DNAJC12: variants seen among roughly 807,000 people sequenced by gnomAD.
DNAJC12 encodes the protein dnaJ homolog subfamily C member 12.
A neutral mutation model predicts 28.5 loss-of-function variants in DNAJC12; 25 were observed. The ratio of observed to expected loss-of-function variants is 0.88; its 90% CI spans 0.64 to 1.22. The LOEUF is 1.22. Among genes scored for constraint, DNAJC12 ranks in the 50% most tolerant of loss-of-function variants. DNAJC12 has a pLI of 0.00. For synonymous variants in DNAJC12, 77 were observed against 80.6 expected (o/e 0.95, Z 0.24); for missense variants, 222 against 231.7 (o/e 0.96, Z 0.27).
intron 3 of DNAJC12, among the ~76,000 whole-genome samples, chr10:67,806,125 G>A (rs1156430573): frequency 3.9e-5 from 6 of 152,172 alleles, no homozygotes; most frequent in African/African-American, 1.4e-4. Context: ...GCGCTTTTGA[G>A]TTTGCTGTAT....
intron 1 of DNAJC12, among the ~76,000 whole-genome samples, chr10:67,829,376 C>T (rs999924870): frequency 6.6e-6 from 1 of 152,230 alleles, no homozygotes; most frequent in Non-Finnish European, 1.5e-5. Flanking sequence ...TGCGGTGGCT[C>T]ACGCTTGTAA....
intron 1 of DNAJC12, among the ~76,000 whole-genome samples, chr10:67,826,478 AT>A (rs1237267738): frequency 2.1e-5 from 3 of 145,914 alleles, no homozygotes; most frequent in Non-Finnish European, 4.5e-5. Flanking sequence ...ATATATATAT[AT>A]ATAAGATGCT....
At chr10:67,822,608 A>C (rs1342905054) in intron 2 of DNAJC12, among the ~76,000 whole-genome samples, 1 of 152,188 alleles carries the variant, frequency 6.6e-6, no homozygotes, top group Non-Finnish European at 1.5e-5. Context: ...AGGTATAAGC[A>C]TGCTTAAGTG....
chr10:67,807,096 C>T (rs1224055635), intron 3 of DNAJC12, among the ~76,000 whole-genome samples: 4 of 151,518 alleles, frequency 2.6e-5, no homozygotes, highest in Non-Finnish European at 4.4e-5. Context: ...CTCACCTCTA[C>T]TTAAAAAAAC....
chr10:67,810,086 G>C (rs746732694), intron 3 of DNAJC12, among the ~76,000 whole-genome samples: 1 of 152,100 alleles, frequency 6.6e-6, no homozygotes, highest in Non-Finnish European at 1.5e-5. Context: ...AGCATGACTG[G>C]GAGGCCTCAG....
chr10:67,814,239 C>G (rs1177050695), intron 2 of DNAJC12, among the ~76,000 whole-genome samples: 1 of 151,864 alleles, frequency 6.6e-6, no homozygotes, highest in African/African-American at 2.4e-5. Context: ...ACAAGAGTGC[C>G]AAGACAATTT....
intron 1 of DNAJC12, among the ~76,000 whole-genome samples, chr10:67,833,476 C>T (rs1253226121): frequency 2.0e-5 from 3 of 151,918 alleles, no homozygotes; most frequent in African/African-American, 7.3e-5. Flanking sequence ...TCTCAAATTT[C>T]TGTACATGCG....
intron 1 of DNAJC12, among the ~76,000 whole-genome samples, chr10:67,833,166 C>A (rs1426395121): frequency 1.3e-5 from 2 of 152,300 alleles, no homozygotes; most frequent in African/African-American, 4.8e-5. Context: ...ATTAGGAAAA[C>A]TGATGAAATT....
intron 1 of DNAJC12, among the ~76,000 whole-genome samples, chr10:67,834,643 C>T (rs1564868825): frequency 6.6e-6 from 1 of 152,146 alleles, no homozygotes; most frequent in Non-Finnish European, 1.5e-5. Context: ...GCCTGGACAA[C>T]ATGGTGAAAG....
chr10:67,805,367 C>T (rs1292571577), intron 4 of DNAJC12, among the ~76,000 whole-genome samples: 1 of 152,164 alleles, frequency 6.6e-6, no homozygotes, highest in Non-Finnish European at 1.5e-5. Context: ...AGCATTATGT[C>T]AGTAAAGCCA....
At chr10:67,813,525 G>A (rs1045222875) in intron 2 of DNAJC12, among the ~76,000 whole-genome samples, 13 of 151,804 alleles carry the variant, frequency 8.6e-5, no homozygotes, top group African/African-American at 2.7e-4. Context: ...CGAAGTGGGC[G>A]GATCACGAGG....
intron 4 of DNAJC12, among the ~76,000 whole-genome samples, chr10:67,802,948 CA>C (rs780944911): frequency 1.2e-4 from 18 of 145,478 alleles, no homozygotes; most frequent in Admixed American, 2.7e-4. Flanking sequence ...CATCCCCCCC[CA>C]CACACACACC....
chr10:67,800,713 AG>A (rs1405013443), intron 4 of DNAJC12, among the ~76,000 whole-genome samples: 5 of 152,046 alleles, frequency 3.3e-5, no homozygotes, highest in African/African-American at 1.2e-4. Flanking sequence ...TGGTGGGCCG[AG>A]GTGGGCAGAT....
At chr10:67,798,265 C>T (rs186382721) in intron 4 of DNAJC12, among the ~76,000 whole-genome samples, 14 of 151,958 alleles carry the variant, frequency 9.2e-5, no homozygotes, top group African/African-American at 3.4e-4. Context: ...TTAATATTTA[C>T]CATTATAGAA....
At chr10:67,811,780 G>C in intron 2 of DNAJC12, 117 bp from the exon 3 acceptor site, 1 of 1,477,124 alleles carries the variant, frequency 6.8e-7, no homozygotes, top group Non-Finnish European at 8.9e-7. Flanking sequence ...ATGTGACCTT[G>C]GGCCAATTTA....
At chr10:67,807,120 G>A (rs1020788247) in intron 3 of DNAJC12, among the ~76,000 whole-genome samples, 3 of 151,320 alleles carry the variant, frequency 2.0e-5, no homozygotes, top group Non-Finnish European at 2.9e-5. Flanking sequence ...AATTAGTTGG[G>A]CAAGGTAGTG....
At chr10:67,819,743 G>A (rs1331020319) in intron 2 of DNAJC12, among the ~76,000 whole-genome samples, 9 of 20,964 alleles carry the variant, frequency 4.3e-4, no homozygotes, top group Non-Finnish European at 6.0e-4. Context: ...AGGAAGGAAG[G>A]AAGGAAGGAA....
intron 1 of DNAJC12, among the ~76,000 whole-genome samples, chr10:67,831,448 G>C (rs1028250973): frequency 6.6e-6 from 1 of 151,930 alleles, no homozygotes; most frequent in Admixed American, 6.6e-5. Context: ...TTTTGTCTAA[G>C]CAAGGAAATA....
chr10:67,819,740 A>G (rs1257966486), intron 2 of DNAJC12, among the ~76,000 whole-genome samples: 1,667 of 25,226 alleles, frequency 0.066, 116 homozygotes, highest in Admixed American at 0.16. Context: ...GGAAGGAAGG[A>G]AGGAAGGAAG....
Sources: gnomAD v4.1 joint callset for allele counts (sites outside exome capture counted in the v4.1 genomes callset) on GRCh38, gnomAD v4.1.1 for gene constraint, MANE v1.5 for transcripts, NCBI Gene and HGNC (gene_info 2026-07-23, HGNC 2026-07-21) for gene names.